TCN2: variants seen among roughly 807,000 people sequenced by gnomAD.
TCN2 encodes the protein transcobalamin-2.
A neutral mutation model predicts 48.6 loss-of-function variants in TCN2; 34 were observed. The ratio of observed to expected loss-of-function variants is 0.70; its 90% CI spans 0.53 to 0.93. The LOEUF is 0.93. Among genes scored for constraint, TCN2 ranks in the 40% least tolerant of loss-of-function variants. TCN2 has a pLI of 0.00. For synonymous variants in TCN2, 283 were observed against 212.5 expected (o/e 1.33, Z -2.89); for missense variants, 652 against 526.1 (o/e 1.24, Z -2.34).
At chr22:30,615,098 C>T (rs2087592767) in intron 4 of TCN2, among the ~76,000 whole-genome samples, 1 of 152,132 alleles carries the variant, frequency 6.6e-6, no homozygotes, top group African/African-American at 2.4e-5. Context: ...TTTCCTGGGA[C>T]ACAGGATTTT....
chr22:30,627,212 C>CTGACTGAGCACCCACTACTA lies in TCN2; in HGVS notation c.*703_*722dup, dbSNP rs1157710008. 1.2e-5 allele frequency: 2 copies of CTGACTGAGCACCCACTACTA among 161,574 alleles called. No homozygotes were observed. Among genetic ancestry groups the CTGACTGAGCACCCACTACTA allele is most frequent in the African/African-American group, 4.8e-5 (2 of 41,618 alleles). 10.0% of individuals were successfully genotyped at this position (161,574 alleles called of 1,614,324 possible). A position where few individuals can be genotyped will look rare whatever the true frequency, so the allele number is the denominator to read the frequency against. On this transcript the variant is annotated 3_prime_UTR_variant, in exon 9 of 9. Transcript: ENST00000215838. Reference sequence around the variant, plus strand: ...ATGCCAGCAGTGATGACATTGACTACTGACTGAGCACCCACTACTATGACT... The same window carrying CTGACTGAGCACCCACTACTA: ...ATGCCAGCAGTGATGACATTGACTACTGACTGAGCACCCACTACTATGACTGAGCACCCACTACTATGACT...
intron 5 of TCN2, 49 bp from the exon 6 acceptor site, chr22:30,615,552 C>T (rs1602048570): frequency 6.2e-7 from 1 of 1,613,798 alleles, no homozygotes; most frequent in Non-Finnish European, 8.5e-7. Flanking sequence ...AACACCTAGC[C>T]CCTCCCTGCC....
At chr22:30,612,554 G>A (rs966116665) in intron 2 of TCN2, among the ~76,000 whole-genome samples, 1 of 151,848 alleles carries the variant, frequency 6.6e-6, no homozygotes. Flanking sequence ...CTGTCTCAAA[G>A]AAAATAAATA....
intron 1 of TCN2, 145 bp downstream of exon 1, chr22:30,607,540 A>G (rs1263599637): frequency 9.5e-6 from 7 of 733,798 alleles, no homozygotes; most frequent in South Asian, 5.5e-5. Flanking sequence ...AACACATCCT[A>G]TTGTGATTGA....
intron 8 of TCN2, among the ~76,000 whole-genome samples, chr22:30,625,232 A>G (rs780710379): frequency 8.5e-5 from 13 of 152,142 alleles, no homozygotes; most frequent in African/African-American, 1.2e-4. Context: ...ATGAAATAAA[A>G]TAACAGAAAT....
At position 30,617,395 on chromosome 22, in the gene TCN2, G is replaced by T. The variant is rs1279948941; in HGVS notation, c.1006G>T (p.Val336Leu). 6.2e-7 allele frequency: 1 copy of T among 1,614,048 alleles called. No homozygotes were observed. ...AGAGATCATCAGTGTCACGCTGCAG[G>T]TGCTTAGTCTCTTGCCGCCGTACAG... is the stretch of plus-strand genomic sequence containing the variant. ...TQEIISVTLQVLSLLPPYRQS... is the reference protein window; with the variant it reads ...TQEIISVTLQLLSLLPPYRQS... Residue 336 changes from valine (V) to leucine (L), a missense_variant, in exon 7 of 9, where the codon GTG (valine) becomes TTG (leucine). Val to Leu is a conservative substitution (Grantham distance 32, BLOSUM62 1). Coordinates refer to ENST00000215838, the MANE Select transcript of TCN2 (RefSeq NM_000355.4).
intron 1 of TCN2, chr22:30,610,232 CAG>C (rs1253644448): frequency 2.1e-6 from 1 of 471,034 alleles, no homozygotes; most frequent in East Asian, 6.9e-5. Flanking sequence ...TTCATTTAAA[CAG>C]AGATGGCAGG....
At chr22:30,624,008 A>ATACATATATACACACATATATATGTG in intron 8 of TCN2, among the ~76,000 whole-genome samples, 1 of 120,678 alleles carries the variant, frequency 8.3e-6, no homozygotes, top group Non-Finnish European at 1.7e-5. Flanking sequence ...ATATATATGT[A>ATACATATATACACACATATATATGTG]TACATATATA....
At position 30,612,908 on chromosome 22, in the gene TCN2, G is replaced by A; in HGVS notation, c.293G>A (p.Gly98Asp). The change falls in exon 3 of 9, where the codon GGC (glycine) becomes GAC (aspartate). Residue 98 changes from glycine (G) to aspartate (D), a missense_variant. Transcript: ENST00000215838. ...AFSEDDGDCQ[G>D]KPSMGQLALY... ...AGCGAGGATGACGGTGACTGCCAGG[G>A]CAAGCCTTCCATGGGCCAGCTGGCC... is the stretch of plus-strand genomic sequence containing the variant. 1.2e-6 allele frequency: 2 copies of A among 1,614,090 alleles called. No homozygotes were observed. The highest frequency in any genetic ancestry group is 1.1e-5 in the South Asian group (1 of 91,078).
intron 1 of TCN2, among the ~76,000 whole-genome samples, chr22:30,609,271 G>A (rs1302873389): frequency 2.6e-5 from 4 of 151,806 alleles, no homozygotes; most frequent in Admixed American, 6.6e-5. Flanking sequence ...CCAAACTGCT[G>A]GTATTACAGG....
At chr22:30,615,218 A>G in intron 4 of TCN2, 83 bp from the exon 5 acceptor site, 2 of 1,483,874 alleles carry the variant, frequency 1.3e-6, no homozygotes, top group Non-Finnish European at 1.9e-6. Context: ...GTCCATAGCT[A>G]CAAGGGCCTG....
chr22:30,620,508 C>G (rs192349528), intron 7 of TCN2, among the ~76,000 whole-genome samples: 1 of 152,360 alleles, frequency 6.6e-6, no homozygotes, highest in East Asian at 1.9e-4. Context: ...TGAGGGCCAC[C>G]TCCGTTTCCT....
chr22:30,612,833 T>G, intron 2 of TCN2, 40 bp from the exon 3 acceptor site: 2 of 1,611,186 alleles, frequency 1.2e-6, no homozygotes, highest in South Asian at 1.1e-5. Flanking sequence ...GCTTACGGGG[T>G]GGCAGTTTCT....
intron 8 of TCN2, among the ~76,000 whole-genome samples, chr22:30,624,578 A>C (rs2145561009): frequency 6.6e-6 from 1 of 152,290 alleles, no homozygotes; most frequent in Non-Finnish European, 1.5e-5. Flanking sequence ...AGGAATAAAA[A>C]ATAGGAGCTA....
chr22:30,622,873 C>A, intron 7 of TCN2, 95 bp from the exon 8 acceptor site: 1 of 1,324,398 alleles, frequency 7.6e-7, no homozygotes, highest in Non-Finnish European at 1.1e-6. Flanking sequence ...GCCCAAAGAG[C>A]TTGGAAGGGA....
chr22:30,618,420 C>T (rs1447892770), intron 7 of TCN2, among the ~76,000 whole-genome samples: 1 of 151,350 alleles, frequency 6.6e-6, no homozygotes. Flanking sequence ...GGCGCAATCT[C>T]GGCTCACTGC....
intron 8 of TCN2, 70 bp from the exon 9 acceptor site, chr22:30,626,390 C>T (rs1421541842): frequency 6.5e-7 from 1 of 1,534,192 alleles, no homozygotes; most frequent in African/African-American, 1.4e-5. Flanking sequence ...GGTGGGGGGT[C>T]TGGAAGATGA....
In TCN2 at chr22:30,623,803, T is replaced by TATATAC. The variant is rs57088816; in HGVS notation, c.1222+721_1222+722insTATACA. Among the ~76,000 whole-genome samples, 517 of 61,508 alleles carry TATATAC rather than the reference T, an allele frequency of 8.4e-3. 142 individuals are homozygous for TATATAC. Among genetic ancestry groups the TATATAC allele is most frequent in the South Asian group, 0.014 (39 of 2,878 alleles). The allele number at this position is 61,508 out of a possible 152,430, so 40.4% of individuals were successfully genotyped here. On this transcript the variant is annotated intron_variant, in intron 8 of 8. Transcript: ENST00000215838. ...ATATATGTATACATATATACACACA[T>TATATAC]ACACATATATACACACACATACACA...
chr22:30,623,947 C>CATGTATACATATATACACACACAT (rs2087756930), intron 8 of TCN2, among the ~76,000 whole-genome samples: 1 of 27,432 alleles, frequency 3.6e-5, no homozygotes, highest in Admixed American at 4.7e-4. Context: ...TACACACACA[C>CATGTATACATATATACACACACAT]ATATGTATAC....
Sources: gnomAD v4.1 joint callset for allele counts (sites outside exome capture counted in the v4.1 genomes callset) on GRCh38, gnomAD v4.1.1 for gene constraint, MANE v1.5 for transcripts, NCBI Gene and HGNC (gene_info 2026-07-23, HGNC 2026-07-21) for gene names.